SHLD1: variants seen among roughly 807,000 people sequenced by gnomAD.
The protein encoded by SHLD1 is RINN1-REV7-interacting novel NHEJ regulator 3.
A neutral mutation model predicts 5.5 loss-of-function variants in SHLD1; 3 were observed. That is an observed-to-expected ratio of 0.54 (90% CI 0.25 to 1.40). The LOEUF is 1.40. Among genes scored for constraint, SHLD1 ranks in the 40% most tolerant of loss-of-function variants. SHLD1 has a pLI of 0.15. For missense variants in SHLD1, 210 were observed against 244.4 expected (o/e 0.86, Z 0.94); for synonymous variants, 92 against 94.3 (o/e 0.98, Z 0.14).
intron 1 of SHLD1, among the ~76,000 whole-genome samples, chr20:5,764,144 ATATATATTTATATT>A (rs1305581501): frequency 4.5e-4 from 23 of 50,920 alleles, no homozygotes; most frequent in African/African-American, 1.3e-3. Context: ...AAAAAAATAT[ATATATATTTATATT>A]TATATATATA....
chr20:5,753,341 C>T (rs145312210), intron 1 of SHLD1, among the ~76,000 whole-genome samples: 13 of 152,100 alleles, frequency 8.5e-5, no homozygotes, highest in African/African-American at 2.9e-4. Context: ...AGGGTCTTGC[C>T]GTGTGGCCCA....
chr20:5,853,842 CTTTT>C (rs753008247), intron 2 of SHLD1, among the ~76,000 whole-genome samples: 1 of 141,950 alleles, frequency 7.0e-6, no homozygotes. Context: ...TCCACGTCTA[CTTTT>C]TTTTTTTTTT....
At chr20:5,773,357 A>ATT (rs3830817) in intron 2 of SHLD1, 713 of 542,062 alleles carry the variant, frequency 1.3e-3, no homozygotes, top group South Asian at 1.8e-3. Flanking sequence ...AGAGAGTGGA[A>ATT]TTTTTTTTTG....
intron 2 of SHLD1, among the ~76,000 whole-genome samples, chr20:5,782,175 T>C (rs4815853): frequency 0.53 from 81,030 of 151,968 alleles, 21,684 homozygotes; most frequent in Non-Finnish European, 0.55. Context: ...GAACACCCTG[T>C]CTGTTAGATA....
At chr20:5,804,341 CAAAA>C (rs142413659) in intron 2 of SHLD1, among the ~76,000 whole-genome samples, 1 of 120,146 alleles carries the variant, frequency 8.3e-6, no homozygotes, top group Non-Finnish European at 1.7e-5. Flanking sequence ...TTGTATATCG[CAAAA>C]AAAAACTATA....
rs369469579 is a variant in SHLD1 at position 5,755,995 on chromosome 20, T to C, written c.-5+5516T>C. Among the ~76,000 whole-genome samples, 7 of 152,316 alleles carry C rather than the reference T, an allele frequency of 4.6e-5. No individual in the cohort carries two copies. In the East Asian group the frequency reaches 1.2e-3, roughly 25 times the overall value. ...CAGGGCCTGCAGTCATGTGATGCTA[T>C]ACCAGAGTCAGGTTGGAGTTGCGTA... is the stretch of plus-strand genomic sequence containing the variant. On this transcript the variant is annotated intron_variant, in intron 1 of 2. Coordinates refer to ENST00000303142, the MANE Select transcript of SHLD1 (RefSeq NM_152504.4).
chr20:5,784,816 C>G (rs547426139), intron 2 of SHLD1, among the ~76,000 whole-genome samples: 8 of 152,188 alleles, frequency 5.3e-5, no homozygotes, highest in African/African-American at 1.2e-4. Context: ...GTTCCTCACT[C>G]TTAAGTTTCA....
At position 5,758,923 on chromosome 20, in the gene SHLD1, T is replaced by G. The variant is rs564981323; in HGVS notation, c.-5+8444T>G. On this transcript the variant is annotated intron_variant, in intron 1 of 2. Transcript: ENST00000303142. The stretch of plus-strand genomic sequence containing the variant: ...GAGGAGAGCAGATGTCAAATGTGTT[T>G]TTTTTTTTTTCTCATCTTTCTTGAC... Among the ~76,000 whole-genome samples the G allele has an allele frequency of 2.1e-4, 32 of 151,572 alleles. No homozygotes were observed. The South Asian group carries it at 5.8e-3, about 28-fold the overall frequency.
At chr20:5,799,817 A>G (rs568686927) in intron 2 of SHLD1, among the ~76,000 whole-genome samples, 40 of 152,306 alleles carry the variant, frequency 2.6e-4, no homozygotes, top group African/African-American at 8.2e-4. Context: ...TAATTCTGGA[A>G]AAGGTGGTAA....
chr20:5,836,703 G>C lies in SHLD1; in HGVS notation c.179-26321G>C, dbSNP rs557786758. 1.4e-4 allele frequency among the ~76,000 whole-genome samples: 18 copies of C among 128,438 alleles called. 1 individual carries two copies. Among genetic ancestry groups the C allele is most frequent in the Admixed American group, 5.2e-4 (7 of 13,542 alleles). The allele number at this position is 128,438 out of a possible 152,430, so 84.3% of individuals were successfully genotyped here. A position where few individuals can be genotyped will look rare whatever the true frequency, so the allele number is the denominator to read the frequency against. On this transcript the variant is annotated intron_variant, in intron 2 of 2. Transcript: ENST00000303142. Reference sequence around the variant, plus strand: ...CTTGTCACTGGCCAGTCAGGACGTGGGAGGATCCCTCTCTGGAAAAACAGT... The same window carrying C: ...CTTGTCACTGGCCAGTCAGGACGTGCGAGGATCCCTCTCTGGAAAAACAGT...
chr20:5,750,218 A>T (rs1983645616), upstream of SHLD1, among the ~76,000 whole-genome samples: 1 of 152,036 alleles, frequency 6.6e-6, no homozygotes, highest in Non-Finnish European at 1.5e-5. Flanking sequence ...TTTATCGACA[A>T]GCCTCCTCAG....
At chr20:5,814,147 G>T (rs1263086945) in intron 2 of SHLD1, among the ~76,000 whole-genome samples, 1 of 151,206 alleles carries the variant, frequency 6.6e-6, no homozygotes. Flanking sequence ...GTAGAGATGG[G>T]GTTTCTCCAT....
chr20:5,760,131 T>G lies in SHLD1; in HGVS notation c.-5+9652T>G, dbSNP rs569824604. Among the ~76,000 whole-genome samples the G allele has an allele frequency of 2.0e-5, 3 of 152,072 alleles. No individual in the cohort carries two copies. The South Asian group carries it at 6.2e-4, about 32-fold the overall frequency. ...TTGTTGAAAATGGGGGAGATTTGGG[T>G]ATGTTGAAGAGTTTAAGTGAAAGGT... On this transcript the variant is annotated intron_variant, in intron 1 of 2. Transcript: ENST00000303142.
intron 2 of SHLD1, among the ~76,000 whole-genome samples, chr20:5,834,864 T>C (rs1286197327): frequency 6.6e-6 from 1 of 152,204 alleles, no homozygotes; most frequent in Non-Finnish European, 1.5e-5. Context: ...CACCTTCTAG[T>C]TGTGCCTTTA....
intron 2 of SHLD1, among the ~76,000 whole-genome samples, chr20:5,777,597 T>A (rs6139826): frequency 0.52 from 75,685 of 145,286 alleles, 19,169 homozygotes; most frequent in African/African-American, 0.6. Context: ...TTAAAAAAAA[T>A]TTTATTTTTT....
intron 1 of SHLD1, chr20:5,771,949 A>G: frequency 2.5e-6 from 1 of 406,212 alleles, no homozygotes; most frequent in Admixed American, 3.0e-5. Context: ...GTCTCCGCTC[A>G]CTGCAACCTC....
At chr20:5,818,747 G>T (rs73081206) in intron 2 of SHLD1, among the ~76,000 whole-genome samples, 1 of 152,290 alleles carries the variant, frequency 6.6e-6, no homozygotes, top group East Asian at 1.9e-4. Flanking sequence ...TGATTGATTG[G>T]ATCTTACAAT....
intron 1 of SHLD1, among the ~76,000 whole-genome samples, chr20:5,768,786 A>G (rs887203792): frequency 1.3e-5 from 2 of 152,070 alleles, no homozygotes; most frequent in South Asian, 2.1e-4. Flanking sequence ...CATTGAATAT[A>G]TCATGTGTGT....
intron 2 of SHLD1, among the ~76,000 whole-genome samples, chr20:5,792,926 C>T (rs1438982186): frequency 3.3e-5 from 5 of 152,288 alleles, no homozygotes; most frequent in East Asian, 1.9e-4. Context: ...CTGCCCACCT[C>T]GGCCTCCCAA....
Sources: gnomAD v4.1 joint callset for allele counts (sites outside exome capture counted in the v4.1 genomes callset) on GRCh38, gnomAD v4.1.1 for gene constraint, MANE v1.5 for transcripts, NCBI Gene and HGNC (gene_info 2026-07-23, HGNC 2026-07-21) for gene names.